The following ADPGK variants were observed in gnomAD, a reference collection of about 807,000 sequenced individuals.
ADPGK encodes the protein ADP-dependent glucokinase.
In ADPGK, 26 loss-of-function variants were observed where a neutral mutation model predicts 42.4. That is an observed-to-expected ratio of 0.61 (90% CI 0.45 to 0.85). The LOEUF is 0.85. Ranked by LOEUF, ADPGK falls within the 40% of genes least tolerant of loss-of-function variation. ADPGK has a pLI of 0.00. For missense variants in ADPGK, 571 were observed against 627.0 expected (o/e 0.91, Z 0.95); for synonymous variants, 267 against 252.6 (o/e 1.06, Z -0.54).
intron 1 of ADPGK, among the ~76,000 whole-genome samples, chr15:72,782,527 C>CAA (rs5813692): frequency 0.063 from 3,839 of 61,184 alleles, 166 homozygotes; most frequent in Middle Eastern, 0.094. Flanking sequence ...ACCCTGTGTC[C>CAA]AAAAAAAAAA....
chr15:72,783,182 G>A, intron 1 of ADPGK: 1 of 1,200,620 alleles, frequency 8.3e-7, no homozygotes, highest in Non-Finnish European at 1.0e-6. Flanking sequence ...GAACGAGGAA[G>A]AAGGCTCGGA....
At chr15:72,757,932 G>C in intron 4 of ADPGK, 1 of 744,946 alleles carries the variant, frequency 1.3e-6, no homozygotes, top group Non-Finnish European at 2.2e-6. Context: ...TCTTCTGCAA[G>C]GCAAGGATGA....
intron 1 of ADPGK, chr15:72,782,717 T>C (rs1026038744): frequency 5.9e-5 from 9 of 152,124 alleles, no homozygotes; most frequent in African/African-American, 1.7e-4. Flanking sequence ...CCTGCTTTTA[T>C]GTGGTGGTTA....
intron 5 of ADPGK, 81 bp from the exon 6 acceptor site, chr15:72,755,735 A>AG (rs1374078343): frequency 1.6e-4 from 187 of 1,141,078 alleles, no homozygotes; most frequent in Non-Finnish European, 6.5e-6. Flanking sequence ...AGATCCTGAG[A>AG]GGCGGTTCCT....
Position 72,752,758 on chromosome 15 carries a change from G to A in ADPGK, c.1077C>T (p.Leu359=), listed in dbSNP as rs780927049. The A allele has an allele frequency of 1.2e-5, 19 of 1,614,120 alleles. No individual in the cohort carries two copies. Among genetic ancestry groups the A allele is most frequent in the Non-Finnish European group, 8.5e-7 (1 of 1,180,052 alleles). The change falls in exon 7 of 7, where the codon CTC becomes CTT. Residue 359 remains leucine, a synonymous_variant. Coordinates refer to ENST00000456471, the MANE Select transcript of ADPGK (RefSeq NM_001365225.1). ...VPDVGMVSDI[L]FWILKEHGRS... is the part of the protein sequence containing the mutation. Reference sequence around the variant, plus strand: ...TCCCATGTTCTTTCAAGATCCAGAAGAGGATGTCACTGACCATGCCCACAT... The same window carrying A: ...TCCCATGTTCTTTCAAGATCCAGAAAAGGATGTCACTGACCATGCCCACAT...
rs767545069 is a variant in ADPGK at position 72,783,695 on chromosome 15, G to A, written c.-4C>T. On this transcript the variant is annotated 5_prime_UTR_variant, in exon 1 of 7. Transcript: ENST00000456471. The stretch of plus-strand genomic sequence containing the variant: ...CGGAGCCGCGCCACAGCGCCATGGG[G>A]ACCCAGGCGCCGCACCTGCGCGAAC... 18 of 1,471,522 alleles carry A rather than the reference G, an allele frequency of 1.2e-5. No homozygotes were observed. The highest frequency in any genetic ancestry group is 2.9e-5 in the African/African-American group (2 of 67,886). The allele number at this position is 1,471,522 out of a possible 1,614,324, so 91.2% of individuals were successfully genotyped here.
intron 6 of ADPGK, among the ~76,000 whole-genome samples, chr15:72,754,975 A>G (rs1215816337): frequency 6.6e-6 from 1 of 152,206 alleles, no homozygotes; most frequent in Non-Finnish European, 1.5e-5. Flanking sequence ...ATCTTTTCAT[A>G]GTTTTTGGGT....
At chr15:72,775,221 C>T in intron 1 of ADPGK, 124 bp from the exon 2 acceptor site, 1 of 781,806 alleles carries the variant, frequency 1.3e-6, no homozygotes, top group South Asian at 1.6e-5. Flanking sequence ...AGGTCTGAAA[C>T]CTGAATTGGG....
intron 3 of ADPGK, among the ~76,000 whole-genome samples, chr15:72,762,052 A>G (rs2066201893): frequency 6.6e-6 from 1 of 152,042 alleles, no homozygotes; most frequent in African/African-American, 2.4e-5. Flanking sequence ...TTCTATTTTT[A>G]GTAGAGACGG....
chr15:72,766,420 T>C (rs2066260570), intron 3 of ADPGK, among the ~76,000 whole-genome samples: 1 of 152,152 alleles, frequency 6.6e-6, no homozygotes, highest in Non-Finnish European at 1.5e-5. Context: ...CACCCCAAGC[T>C]TCAGCCACCA....
intron 3 of ADPGK, among the ~76,000 whole-genome samples, chr15:72,761,700 A>ATT (rs36022165): frequency 2.0e-3 from 283 of 142,948 alleles, no homozygotes; most frequent in South Asian, 3.0e-3. Flanking sequence ...CTGCTTCATG[A>ATT]TTTTTTTTTT....
chr15:72,781,154 T>C (rs2066453274), intron 1 of ADPGK, among the ~76,000 whole-genome samples: 1 of 152,214 alleles, frequency 6.6e-6, no homozygotes, highest in South Asian at 2.1e-4. Flanking sequence ...CCCCTATCTT[T>C]GGGCTAAAAA....
chr15:72,758,181 T>A (rs1446896636), intron 4 of ADPGK: 1 of 1,527,984 alleles, frequency 6.5e-7, no homozygotes. Flanking sequence ...ACCTCCAGCA[T>A]ATTCATGGCC....
intron 3 of ADPGK, among the ~76,000 whole-genome samples, chr15:72,766,663 A>G (rs1475356376): frequency 6.6e-6 from 1 of 152,212 alleles, no homozygotes; most frequent in Non-Finnish European, 1.5e-5. Flanking sequence ...ATTTTATTGC[A>G]GTATTTGTTT....
At chr15:72,776,407 G>A (rs555094496) in intron 1 of ADPGK, among the ~76,000 whole-genome samples, 11 of 152,256 alleles carry the variant, frequency 7.2e-5, no homozygotes, top group South Asian at 2.1e-4. Context: ...ACCACCCCTA[G>A]TGATACGGGT....
chr15:72,783,358 G>A (rs117883140), intron 1 of ADPGK, 101 bp downstream of exon 1: 15,547 of 1,293,086 alleles, frequency 0.012, 139 homozygotes, highest in Middle Eastern at 0.028. Context: ...GGACAGCAGC[G>A]CCTCCCGGGG....
intron 3 of ADPGK, among the ~76,000 whole-genome samples, chr15:72,760,879 G>A (rs1306710504): frequency 6.6e-6 from 1 of 152,154 alleles, no homozygotes; most frequent in Non-Finnish European, 1.5e-5. Context: ...AAACCCCCAT[G>A]TGGCTTATTT....
Position 72,756,417 on chromosome 15 carries a change from TG to T in ADPGK, c.673del (p.His225MetfsTer16), listed in dbSNP as rs766526634. On this transcript the variant is annotated frameshift_variant, in exon 5 of 7. Coordinates refer to ENST00000456471, the MANE Select transcript of ADPGK (RefSeq NM_001365225.1). LOFTEE classifies it high-confidence loss of function. ...GEEWGQLKAP[H>X]ANRFIFSHDL... ...GTGAGAGAAGATGAATCGGTTGGCA[TG>T]GGGAGCTTTTAACTGGCCCCACTCC... is the stretch of plus-strand genomic sequence containing the variant. The T allele has an allele frequency of 6.2e-7, 1 of 1,614,132 alleles. No homozygotes were observed. Among genetic ancestry groups the T allele is most frequent in the East Asian group, 2.2e-5 (1 of 44,880 alleles).
chr15:72,752,699 A>G lies in ADPGK; in HGVS notation c.1136T>C (p.Ile379Thr). Residue 379 changes from isoleucine (I) to threonine (T), a missense_variant, in exon 7 of 7, where the codon ATC becomes ACC. Around this residue, in one of 2 missense-constraint regions of ADPGK, gnomAD observed 434 missense variants for 522.7 expected, o/e 0.83. Coordinates refer to ENST00000456471, the MANE Select transcript of ADPGK (RefSeq NM_001365225.1). ...GTGGTAGACCAGCGTGTGGAAATGG[A>G]TCCTGGTGAGATCCGAGGCTCTGCT... ...SKSRASDLTR[I>T]HFHTLVYHIL... 6.2e-7 allele frequency: 1 copy of G among 1,614,200 alleles called. No homozygotes were observed. Among genetic ancestry groups the G allele is most frequent in the Non-Finnish European group, 8.5e-7 (1 of 1,180,042 alleles).
Sources: allele counts gnomAD v4.1 joint callset (sites outside exome capture counted in the v4.1 genomes callset), GRCh38; gene constraint gnomAD v4.1.1; regional missense constraint gnomAD v4.1.1; transcripts MANE v1.5; gene names NCBI Gene and HGNC (gene_info 2026-07-23, HGNC 2026-07-21).